The following MAP3K12 variants were observed in gnomAD, a reference collection of about 807,000 sequenced individuals.
The protein encoded by MAP3K12 is mitogen-activated protein kinase kinase kinase 12, also known as MAPK-upstream kinase.
Under a neutral mutation model 87.5 loss-of-function variants are expected in MAP3K12, and 14 were observed. The observed-to-expected ratio is 0.16, with a 90% confidence interval of 0.11 to 0.25. The LOEUF (loss-of-function observed/expected upper bound fraction) is 0.25. MAP3K12 is among the 10% of genes least tolerant of loss of function. The pLI is 1.00. For missense variants in MAP3K12, 802 were observed against 1,140.4 expected, an observed-to-expected ratio of 0.70 and a Z score of 4.27; for synonymous variants, 469 against 452.5, an observed-to-expected ratio of 1.04 and a Z score of -0.46.
At position 53,482,346 on chromosome 12, in the gene MAP3K12, C is replaced by T; in HGVS notation, c.2262G>A (p.Glu754=). The T allele has an allele frequency of 6.2e-7, 1 of 1,614,084 alleles. No individual in the cohort carries two copies. ...CTTCACTGTCTACCTCTCCTTCCTCCTCTTCCGATGAGATGCCACGTTTCT... is the reference window on the plus strand; with the variant it reads ...CTTCACTGTCTACCTCTCCTTCCTCTTCTTCCGATGAGATGCCACGTTTCT... ...RSQKRGISSE[E]EEGEVDSEVE... The change falls in exon 12 of 14, where the codon GAG becomes GAA. Residue 754 remains glutamate, a synonymous_variant. Transcript: ENST00000547488.
At position 53,481,251 on chromosome 12, in the gene MAP3K12, A is replaced by G; in HGVS notation, c.2610T>C (p.Cys870=). ...TGGAGTTGTCCAATTCAGTGCTGTCACAGTCTGAGTCCTCAGAATTGGGAG... is the reference window on the plus strand; with the variant it reads ...TGGAGTTGTCCAATTCAGTGCTGTCGCAGTCTGAGTCCTCAGAATTGGGAG... The part of the protein sequence containing the change: ...RGPPNSEDSD[C]DSTELDNSNS... The change falls in exon 14 of 14, where the codon TGT becomes TGC. Residue 870 remains cysteine (C), a synonymous_variant. Transcript: ENST00000547488. 6.4e-7 allele frequency: 1 copy of G among 1,567,642 alleles called. No individual in the cohort carries two copies. The highest frequency in any genetic ancestry group is 1.8e-5 in the Admixed American group (1 of 54,126).
In MAP3K12 at chr12:53,486,260, C is replaced by G. The variant is rs747295533; in HGVS notation, c.630-13G>C. ...GGTGCACACACCCCTGGGAGCCAAA[C>G]AATGGTATGAAGGCCTCAGCTGGCT... On this transcript the variant is annotated splice_polypyrimidine_tract_variant and intron_variant, in intron 3 of 13. Transcript: ENST00000547488. The surrounding 1 kb of genome is among the most constrained non-coding windows in gnomAD (Gnocchi z 4.9). 6 of 1,591,524 alleles carry G rather than the reference C, an allele frequency of 3.8e-6. No individual in the cohort carries two copies. The highest frequency in any genetic ancestry group is 5.1e-6 in the Non-Finnish European group (6 of 1,167,852).
At position 53,486,399 on chromosome 12, in the gene MAP3K12, C is replaced by A; in HGVS notation, c.629+40G>T. 1 of 1,605,738 alleles carries A rather than the reference C, an allele frequency of 6.2e-7. No homozygotes were observed. Among genetic ancestry groups the A allele is most frequent in the Non-Finnish European group, 8.5e-7 (1 of 1,174,944 alleles). On this transcript the variant is annotated intron_variant, in intron 3 of 13. Coordinates refer to ENST00000547488, the MANE Select transcript of MAP3K12 (RefSeq NM_001193511.2). The surrounding 1 kb of genome is among the most constrained non-coding windows in gnomAD (Gnocchi z 4.9). ...TGCCCAGGAGGGTACCAGGCCTTAG[C>A]ATAGTATCCCCAACACCCAGCCCCT...
upstream of MAP3K12, chr12:53,499,687 C>G (rs1181826345): frequency 6.6e-6 from 1 of 152,134 alleles, no homozygotes. Flanking sequence ...GCCCCCGCCC[C>G]TGGCCCCCCG....
chr12:53,484,627 TGAAG>T lies in MAP3K12; in HGVS notation c.1140-266_1140-263del, dbSNP rs749908398. The stretch of plus-strand genomic sequence containing the variant: ...AAAAGCCTTTTCTGAATAACTTCAT[TGAAG>T]GAACCACATTTTGGGAAATGCTCAG... On this transcript the variant is annotated intron_variant, in intron 6 of 13. Coordinates refer to ENST00000547488, the MANE Select transcript of MAP3K12 (RefSeq NM_001193511.2). 6.0e-4 allele frequency: 291 copies of T among 486,128 alleles called. 1 individual carries two copies. Among genetic ancestry groups the T allele is most frequent in the Non-Finnish European group, 8.2e-4 (223 of 272,518 alleles). 30.1% of individuals were successfully genotyped at this position (486,128 alleles called of 1,614,324 possible).
chr12:53,486,007 G>T lies in MAP3K12; in HGVS notation c.821+49C>A, dbSNP rs553272386. ...AGCCGGGAGAAGGCCACACTGACTT[G>T]AGTGGGTCACCTGCATGCACATCTG... On this transcript the variant is annotated intron_variant, in intron 4 of 13. Coordinates refer to ENST00000547488, the MANE Select transcript of MAP3K12 (RefSeq NM_001193511.2). This position sits in a 1 kb window ranked among gnomAD's most constrained non-coding sequence, Gnocchi z 4.9. 1.3e-6 allele frequency: 2 copies of T among 1,542,026 alleles called. No homozygotes were observed. The highest frequency in any genetic ancestry group is 1.2e-5 in the South Asian group (1 of 80,890).
chr12:53,501,244 A>C (rs1204236491), upstream of MAP3K12: 2 of 705,340 alleles, frequency 2.8e-6, no homozygotes, highest in Non-Finnish European at 2.4e-6. Flanking sequence ...CTCCAGATGG[A>C]GGCTCACGAA....
chr12:53,487,467 C>G, intron 1 of MAP3K12, 39 bp from the exon 2 acceptor site: 1 of 1,531,272 alleles, frequency 6.5e-7, no homozygotes, highest in Non-Finnish European at 8.8e-7. Flanking sequence ...GCTGTTAAAG[C>G]CCCAGGACTG....
chr12:53,484,853 A>T, intron 6 of MAP3K12: 1 of 631,760 alleles, frequency 1.6e-6, no homozygotes, highest in Non-Finnish European at 2.7e-6. Context: ...CGTTAAGTGT[A>T]TTTTATAGAT....
At position 53,485,040 on chromosome 12, in the gene MAP3K12, C is replaced by T; in HGVS notation, c.1139+16G>A. On this transcript the variant is annotated intron_variant, in intron 6 of 13. Coordinates refer to ENST00000547488, the MANE Select transcript of MAP3K12 (RefSeq NM_001193511.2). ...AACTTCTCCAGGCCCAGTATCCCAG[C>T]CCAGACCATCCTTACCAGCACTGGC... The T allele has an allele frequency of 6.2e-7, 1 of 1,614,048 alleles. No homozygotes were observed. The highest frequency in any genetic ancestry group is 8.5e-7 in the Non-Finnish European group (1 of 1,179,998).
At chr12:53,494,659 C>G (rs1943501975) in intron 1 of MAP3K12, among the ~76,000 whole-genome samples, 1 of 152,144 alleles carries the variant, frequency 6.6e-6, no homozygotes, top group South Asian at 2.1e-4. Flanking sequence ...ATCTTGGGCT[C>G]TCACACTGAG....
At position 53,479,671 on chromosome 12, in the gene MAP3K12, G is replaced by GTTTTTTTTTTTTTTTTGGTT; in HGVS notation, c.*1510_*1511insAACCAAAAAAAAAAAAAAAA. On this transcript the variant is annotated 3_prime_UTR_variant, in exon 14 of 14. Transcript: ENST00000547488. The stretch of plus-strand genomic sequence containing the variant: ...ATTTAGTTTTATAAGCTTCTCCCTG[G>GTTTTTTTTTTTTTTTTGGTT]TTTTTTTTTTTTGGCTCATGAATTT... 3 of 202,188 alleles carry GTTTTTTTTTTTTTTTTGGTT rather than the reference G, an allele frequency of 1.5e-5. No individual in the cohort carries two copies. Among genetic ancestry groups the GTTTTTTTTTTTTTTTTGGTT allele is most frequent in the East Asian group, 8.5e-5 (1 of 11,738 alleles). 12.5% of individuals were successfully genotyped at this position (202,188 alleles called of 1,614,324 possible).
chr12:53,487,539 T>A, intron 1 of MAP3K12, 111 bp from the exon 2 acceptor site: 1 of 1,071,598 alleles, frequency 9.3e-7, no homozygotes, highest in Non-Finnish European at 1.3e-6. Flanking sequence ...GTAGCCCCGC[T>A]GGAGGTAACA....
At chr12:53,481,460 C>T (rs781293137) in intron 13 of MAP3K12, 180 bp from the exon 14 acceptor site, 9 of 325,602 alleles carry the variant, frequency 2.8e-5, no homozygotes, top group Admixed American at 4.6e-5. Flanking sequence ...AGCAATTCTT[C>T]TGCCTCAGCC....
chr12:53,490,898 G>A (rs1453312283), intron 1 of MAP3K12, among the ~76,000 whole-genome samples: 6 of 152,134 alleles, frequency 3.9e-5, no homozygotes, highest in Admixed American at 2.0e-4. Context: ...GCGACAGAGC[G>A]AGACCTTGTC....
rs757231165 is a variant in MAP3K12 at position 53,487,315 on chromosome 12, A to G, written c.77T>C (p.Met26Thr). Residue 26 changes from methionine (M) to threonine (T), a missense_variant, in exon 2 of 14, where the codon ATG becomes ACG. By Grantham distance (81) the Met-to-Thr change is moderately conservative. Coordinates refer to ENST00000547488, the MANE Select transcript of MAP3K12 (RefSeq NM_001193511.2). ...AGAAGTGTCTGGGTCCAGCTTGCGC[A>G]TGGATGCCTCACTTAGGGTAGACAC... is the stretch of plus-strand genomic sequence containing the variant. ...GFVSTLSEAS[M>T]RKLDPDTSDC... The G allele has an allele frequency of 5.0e-6, 8 of 1,613,886 alleles. No homozygotes were observed. Among genetic ancestry groups the G allele is most frequent in the Non-Finnish European group, 6.8e-6 (8 of 1,179,992 alleles).
In MAP3K12 at chr12:53,486,665, A is replaced by AC; in HGVS notation, c.446-44dup. The AC allele has an allele frequency of 1.3e-6, 2 of 1,527,204 alleles. No homozygotes were observed. Among genetic ancestry groups the AC allele is most frequent in the Non-Finnish European group, 1.8e-6 (2 of 1,138,798 alleles). The allele number at this position is 1,527,204 out of a possible 1,614,324, so 94.6% of individuals were successfully genotyped here. A position where few individuals can be genotyped will look rare whatever the true frequency, so the allele number is the denominator to read the frequency against. On this transcript the variant is annotated intron_variant, in intron 2 of 13. Transcript: ENST00000547488. This position sits in a 1 kb window ranked among gnomAD's most constrained non-coding sequence, Gnocchi z 4.9. ...AGTGCCACAAGCCTCAGAAAGAGCCACACTCAAGGCCAGGGACAGGATAGC... is the reference window on the plus strand; with the variant it reads ...AGTGCCACAAGCCTCAGAAAGAGCCACCACTCAAGGCCAGGGACAGGATAGC...
rs779877547 is a variant in MAP3K12, at chr12:53,486,939, T to G, written c.445+8A>C. On this transcript the variant is annotated splice_region_variant and intron_variant, in intron 2 of 13. Transcript: ENST00000547488. The surrounding 1 kb of genome is among the most constrained non-coding windows in gnomAD (Gnocchi z 4.9). ...CAGAGAGGAGGCTCCCACAAGGACG[T>G]GGCCTACCTTCCTGCTGCTGCTTGT... 1 of 1,611,050 alleles carries G rather than the reference T, an allele frequency of 6.2e-7. No homozygotes were observed. The highest frequency in any genetic ancestry group is 1.7e-5 in the Admixed American group (1 of 59,978).
At chr12:53,485,723 T>C in intron 4 of MAP3K12, 1 of 512,204 alleles carries the variant, frequency 2.0e-6, no homozygotes, top group African/African-American at 1.9e-5. Flanking sequence ...GCCTGACTAA[T>C]TTTTTTGTAT....
Sources: allele counts gnomAD v4.1 joint callset (sites outside exome capture counted in the v4.1 genomes callset), GRCh38; gene constraint gnomAD v4.1.1; non-coding constraint Gnocchi (gnomAD v3.1); transcripts MANE v1.5; gene names NCBI Gene and HGNC (gene_info 2026-07-23, HGNC 2026-07-21).